Variants in TTC28 observed in about 807,000 individuals in gnomAD.
TTC28 encodes tetratricopeptide repeat protein 28.
TTC28 carries 61 observed loss-of-function variants against 198.0 expected under a neutral mutation model. That is an observed-to-expected ratio of 0.31 (90% CI 0.25 to 0.38). The LOEUF is 0.38. TTC28 is among the 10% of genes least tolerant of loss of function. The pLI is 1.00. For synonymous variants in TTC28, 1,171 were observed against 1,297.8 expected (o/e 0.90, Z 2.10); for missense variants, 2,678 against 3,164.0 (o/e 0.85, Z 3.69).
chr22:28,278,537 T>A (rs984127347), intron 5 of TTC28, among the ~76,000 whole-genome samples: 1 of 152,190 alleles, frequency 6.6e-6, no homozygotes, highest in African/African-American at 2.4e-5. Flanking sequence ...AGGCTTCCTA[T>A]TTTTCAGGAT....
At chr22:28,218,972 G>A (rs76317235) in intron 5 of TTC28, among the ~76,000 whole-genome samples, 2 of 149,642 alleles carry the variant, frequency 1.3e-5, no homozygotes, top group East Asian at 2.0e-4. Context: ...AAAAAAAAAA[G>A]ACAAATAATA....
At chr22:28,176,024 T>C (rs1173456715) in intron 5 of TTC28, among the ~76,000 whole-genome samples, 1 of 152,022 alleles carries the variant, frequency 6.6e-6, no homozygotes, top group Non-Finnish European at 1.5e-5. Flanking sequence ...AAACGAAAAA[T>C]AGAACTACCA....
At chr22:27,993,056 G>A (rs560097958) in intron 18 of TTC28, 68 of 581,566 alleles carry the variant, frequency 1.2e-4, no homozygotes, top group African/African-American at 8.9e-4. Context: ...AAGGGGCAGC[G>A]CCAGTGGGGC....
chr22:28,172,613 T>C (rs1237031022), intron 5 of TTC28, among the ~76,000 whole-genome samples: 1 of 152,174 alleles, frequency 6.6e-6, no homozygotes, highest in Non-Finnish European at 1.5e-5. Context: ...TTTGGGCATT[T>C]CCCCTCTGGG....
intron 3 of TTC28, among the ~76,000 whole-genome samples, chr22:28,302,170 C>T (rs1290533968): frequency 6.6e-6 from 1 of 151,974 alleles, no homozygotes; most frequent in Non-Finnish European, 1.5e-5. Flanking sequence ...GAAGGCTTCC[C>T]AGAGGAAGTG....
At chr22:28,463,299 G>T (rs2047974302) in intron 2 of TTC28, among the ~76,000 whole-genome samples, 1 of 152,114 alleles carries the variant, frequency 6.6e-6, no homozygotes, top group African/African-American at 2.4e-5. Context: ...TTTTAAAGTA[G>T]TTTTTTCCAT....
At chr22:28,055,560 G>A (rs1380724873) in intron 12 of TTC28, among the ~76,000 whole-genome samples, 1 of 152,152 alleles carries the variant, frequency 6.6e-6, no homozygotes, top group Non-Finnish European at 1.5e-5. Context: ...ATTAAGGGCT[G>A]TGCTAGGAAT....
At chr22:28,604,518 C>T (rs1333650578) in intron 2 of TTC28, among the ~76,000 whole-genome samples, 1 of 151,632 alleles carries the variant, frequency 6.6e-6, no homozygotes, top group African/African-American at 2.4e-5. Flanking sequence ...CCAAAGCAAG[C>T]AGATCATCTG....
intron 5 of TTC28, among the ~76,000 whole-genome samples, chr22:28,196,184 G>A (rs1925318209): frequency 6.6e-6 from 1 of 152,064 alleles, no homozygotes; most frequent in South Asian, 2.1e-4. Context: ...CAAGAATTGG[G>A]GAAAGGATTC....
intron 5 of TTC28, among the ~76,000 whole-genome samples, chr22:28,189,045 C>CA (rs1048987399): frequency 5.9e-5 from 9 of 151,666 alleles, no homozygotes; most frequent in Non-Finnish European, 1.2e-4. Flanking sequence ...AAAAGACCTT[C>CA]AAAAAAAACC....
intron 2 of TTC28, among the ~76,000 whole-genome samples, chr22:28,556,522 G>A (rs935792989): frequency 6.6e-6 from 1 of 152,268 alleles, no homozygotes; most frequent in South Asian, 2.1e-4. Context: ...TACTCTCTAA[G>A]TAATCCATCT....
intron 21 of TTC28, chr22:27,986,501 A>C (rs1937220153): frequency 6.6e-6 from 1 of 152,196 alleles, no homozygotes. Flanking sequence ...GAAAATCTTC[A>C]CTCAGAATCC....
At chr22:28,462,158 T>C (rs188388049) in intron 2 of TTC28, among the ~76,000 whole-genome samples, 53 of 152,348 alleles carry the variant, frequency 3.5e-4, no homozygotes, top group Admixed American at 3.4e-3. Flanking sequence ...GTTCAAAATA[T>C]TCACTGCTTC....
intron 2 of TTC28, among the ~76,000 whole-genome samples, chr22:28,472,174 T>C (rs2048104522): frequency 6.6e-6 from 1 of 152,208 alleles, no homozygotes; most frequent in Non-Finnish European, 1.5e-5. Flanking sequence ...ACATCAAACA[T>C]TATATCTATC....
chr22:28,137,238 A>G (rs1943220689), intron 6 of TTC28, among the ~76,000 whole-genome samples: 1 of 152,156 alleles, frequency 6.6e-6, no homozygotes, highest in African/African-American at 2.4e-5. Context: ...CCACAGTCTC[A>G]TGCTGCTGAG....
chr22:28,388,372 T>C (rs567647408), intron 2 of TTC28, among the ~76,000 whole-genome samples: 5 of 152,348 alleles, frequency 3.3e-5, no homozygotes, highest in Admixed American at 3.3e-4. Context: ...TTTTTTCCAA[T>C]TCTGTGAAGA....
At chr22:28,589,407 A>G (rs190557957) in intron 2 of TTC28, among the ~76,000 whole-genome samples, 5 of 152,300 alleles carry the variant, frequency 3.3e-5, no homozygotes, top group Admixed American at 6.5e-5. Flanking sequence ...AAATTCCCAA[A>G]CAAGCCAGCA....
At chr22:28,000,428 G>A (rs2146545862) in intron 15 of TTC28, 1 of 152,478 alleles carries the variant, frequency 6.6e-6, no homozygotes, top group South Asian at 2.1e-4. Flanking sequence ...CCATAAAGAG[G>A]CCCATCTGGG....
At chr22:28,514,941 C>T (rs1322750287) in intron 2 of TTC28, among the ~76,000 whole-genome samples, 1 of 152,190 alleles carries the variant, frequency 6.6e-6, no homozygotes, top group Non-Finnish European at 1.5e-5. Context: ...CTTTGTAATC[C>T]TGTAATGTAT....
Sources: gnomAD v4.1 joint callset for allele counts (sites outside exome capture counted in the v4.1 genomes callset) on GRCh38, gnomAD v4.1.1 for gene constraint, MANE v1.5 for transcripts, NCBI Gene and HGNC (gene_info 2026-07-23, HGNC 2026-07-21) for gene names.